NRG1: variants seen among roughly 807,000 people sequenced by gnomAD.
The protein encoded by NRG1 is neuregulin 1.
A neutral mutation model predicts 63.8 loss-of-function variants in NRG1; 18 were observed. That is an observed-to-expected ratio of 0.28 (90% CI 0.19 to 0.42). The LOEUF is 0.42. Among genes scored for constraint, NRG1 ranks in the 10% least tolerant of loss-of-function variants. The probability of loss-of-function intolerance (pLI) is 1.00; values close to 1 mark genes in which losing one functional copy is unlikely to be tolerated. For missense variants in NRG1, 762 were observed against 814.7 expected, an observed-to-expected ratio of 0.94 and a Z score of 0.79; for synonymous variants, 302 against 301.3, an observed-to-expected ratio of 1.00 and a Z score of -0.02.
At chr8:32,024,307 T>C (rs1291156445) in intron 1 of NRG1, among the ~76,000 whole-genome samples, 4 of 152,302 alleles carry the variant, frequency 2.6e-5, no homozygotes, top group East Asian at 1.9e-4. Context: ...AAGTGAGCCT[T>C]TGAGTTCAAG....
chr8:32,117,107 A>C (rs538088801), intron 1 of NRG1, among the ~76,000 whole-genome samples: 5 of 151,930 alleles, frequency 3.3e-5, no homozygotes, highest in Admixed American at 1.3e-4. Flanking sequence ...ATGCCATTGC[A>C]CTCCAGCCTA....
intron 1 of NRG1, among the ~76,000 whole-genome samples, chr8:32,129,016 C>A (rs1320401831): frequency 1.3e-5 from 2 of 151,848 alleles, no homozygotes; most frequent in Non-Finnish European, 2.9e-5. Context: ...CTTCCATGGC[C>A]CTCTATTAGC....
At chr8:31,972,914 TA>T (rs1361012968) in intron 1 of NRG1, among the ~76,000 whole-genome samples, 1 of 152,212 alleles carries the variant, frequency 6.6e-6, no homozygotes, top group African/African-American at 2.4e-5. Flanking sequence ...TTAAACTGTT[TA>T]AAAAAGTTCT....
intron 1 of NRG1, among the ~76,000 whole-genome samples, chr8:32,299,801 A>G (rs112649187): frequency 6.6e-6 from 1 of 152,182 alleles, no homozygotes; most frequent in Non-Finnish European, 1.5e-5. Flanking sequence ...TATCACGAGA[A>G]CAGGATGGGA....
At chr8:31,977,818 C>A (rs552064506) in intron 1 of NRG1, among the ~76,000 whole-genome samples, 1 of 151,814 alleles carries the variant, frequency 6.6e-6, no homozygotes, top group East Asian at 1.9e-4. Context: ...GTGTAGGGAC[C>A]ATTTCTTCAT....
chr8:32,150,959 A>T (rs1837437039), intron 1 of NRG1, among the ~76,000 whole-genome samples: 1 of 152,210 alleles, frequency 6.6e-6, no homozygotes, highest in Non-Finnish European at 1.5e-5. Flanking sequence ...CAAAGAAGGT[A>T]AGATATGTTG....
intron 1 of NRG1, among the ~76,000 whole-genome samples, chr8:32,301,848 G>T (rs896489765): frequency 6.6e-6 from 1 of 152,122 alleles, no homozygotes; most frequent in Non-Finnish European, 1.5e-5. Context: ...ACTTCAACAT[G>T]AGATTTGGGT....
At chr8:31,854,913 T>G (rs1197824754) in intron 1 of NRG1, among the ~76,000 whole-genome samples, 2 of 152,224 alleles carry the variant, frequency 1.3e-5, no homozygotes, top group African/African-American at 2.4e-5. Flanking sequence ...TCCATGTAGC[T>G]GAGCGGTTTT....
chr8:32,066,285 G>T (rs1368422667), intron 1 of NRG1, among the ~76,000 whole-genome samples: 2 of 152,174 alleles, frequency 1.3e-5, no homozygotes, highest in East Asian at 3.8e-4. Context: ...GAATGGTATT[G>T]CCTAGGTTTT....
At chr8:32,181,027 T>C (rs1008833801) in intron 1 of NRG1, among the ~76,000 whole-genome samples, 2 of 152,208 alleles carry the variant, frequency 1.3e-5, no homozygotes, top group African/African-American at 4.8e-5. Flanking sequence ...GCTTAGCTTC[T>C]TTCACTTAAT....
chr8:32,273,611 G>A (rs962174529), intron 1 of NRG1, among the ~76,000 whole-genome samples: 1 of 152,128 alleles, frequency 6.6e-6, no homozygotes, highest in Non-Finnish European at 1.5e-5. Context: ...GAATCAGGTG[G>A]TACCGTTGAG....
chr8:32,647,034 T>G, intron 5 of NRG1: 1 of 975,426 alleles, frequency 1.0e-6, no homozygotes, highest in South Asian at 4.8e-5. Context: ...AGAGGAGTAG[T>G]CGGGGGTGGG....
intron 1 of NRG1, among the ~76,000 whole-genome samples, chr8:31,918,793 G>T (rs1029108778): frequency 2.6e-5 from 4 of 151,874 alleles, no homozygotes; most frequent in African/African-American, 9.7e-5. Context: ...GTTCCTCCTT[G>T]TACCTCTGGT....
intron 1 of NRG1, among the ~76,000 whole-genome samples, chr8:31,849,198 A>G (rs1472974997): frequency 6.6e-6 from 1 of 152,198 alleles, no homozygotes; most frequent in Admixed American, 6.5e-5. Flanking sequence ...CATCTAAAGA[A>G]TATAGAGTCA....
At chr8:31,720,876 G>T (rs1182709138) in intron 1 of NRG1, among the ~76,000 whole-genome samples, 2 of 152,146 alleles carry the variant, frequency 1.3e-5, no homozygotes, top group African/African-American at 2.4e-5. Flanking sequence ...TTTTGCACAG[G>T]AGTAAAGGAA....
At chr8:31,851,280 G>A (rs1439370751) in intron 1 of NRG1, among the ~76,000 whole-genome samples, 2 of 152,046 alleles carry the variant, frequency 1.3e-5, no homozygotes, top group African/African-American at 4.8e-5. Flanking sequence ...AGTAGCAAAA[G>A]GAAATATTTA....
At chr8:31,682,492 T>C (rs903707602) in intron 1 of NRG1, among the ~76,000 whole-genome samples, 2 of 152,158 alleles carry the variant, frequency 1.3e-5, no homozygotes, top group Admixed American at 1.3e-4. Flanking sequence ...TAAAACTATA[T>C]ACACACATTG....
In NRG1 at chr8:32,495,653, G is replaced by C. The variant is rs550443136; in HGVS notation, c.38-100175G>C. ...AATTTTTATATTTTTAGTAGAGATGGGGTTTCGCCACGTTGGCCAGGCTGG... is the reference window on the plus strand; with the variant it reads ...AATTTTTATATTTTTAGTAGAGATGCGGTTTCGCCACGTTGGCCAGGCTGG... On this transcript the variant is annotated intron_variant, in intron 1 of 10. Transcript: ENST00000519301. 6.5e-4 allele frequency among the ~76,000 whole-genome samples: 99 copies of C among 152,222 alleles called. 2 individuals are homozygous for C. Among genetic ancestry groups the C allele is most frequent in the Non-Finnish European group, 4.0e-4 (27 of 68,024 alleles).
rs934728979 is a variant in NRG1, at chr8:31,874,358, G to A, written c.37+234927G>A. 3.9e-5 allele frequency among the ~76,000 whole-genome samples: 6 copies of A among 152,158 alleles called. 1 individual carries two copies. Among genetic ancestry groups the A allele is most frequent in the Admixed American group, 3.9e-4 (6 of 15,272 alleles). ...GAAATAAAGTTTTATATACATGTCT[G>A]GATTTTTGAAAAATAAGAAGATTTG... On this transcript the variant is annotated intron_variant, in intron 1 of 10. Transcript: ENST00000519301.
Sources: gnomAD v4.1 joint callset for allele counts (sites outside exome capture counted in the v4.1 genomes callset) on GRCh38, gnomAD v4.1.1 for gene constraint, MANE v1.5 for transcripts, NCBI Gene and HGNC (gene_info 2026-07-23, HGNC 2026-07-21) for gene names.